Variants in MEGF10 observed in about 807,000 individuals in gnomAD.
MEGF10 encodes the protein multiple epidermal growth factor-like domains protein 10.
Under a neutral mutation model 147.5 loss-of-function variants are expected in MEGF10, and 86 were observed. The ratio of observed to expected loss-of-function variants is 0.58; its 90% CI spans 0.49 to 0.70. The LOEUF (loss-of-function observed/expected upper bound fraction) is 0.70, where lower values mean the gene tolerates loss of function less well. Among genes scored for constraint, MEGF10 ranks in the 30% least tolerant of loss-of-function variants. MEGF10 has a pLI of 0.00. For synonymous variants in MEGF10, 478 were observed against 525.5 expected (o/e 0.91, Z 1.24); for missense variants, 1,329 against 1,487.3 (o/e 0.89, Z 1.75).
the MEGF10 span, among the ~76,000 whole-genome samples, chr5:127,242,099 T>C: frequency 6.6e-6 from 1 of 152,176 alleles, no homozygotes; most frequent in Non-Finnish European, 1.5e-5. Flanking sequence ...AGTGAATGAA[T>C]GTGAAGATAC....
At chr5:127,344,259 A>G (rs545535507) in intron 4 of MEGF10, among the ~76,000 whole-genome samples, 2 of 152,280 alleles carry the variant, frequency 1.3e-5, no homozygotes, top group African/African-American at 2.4e-5. Flanking sequence ...TATCTTTTTT[A>G]ATGCATTTCA....
intron 17 of MEGF10, among the ~76,000 whole-genome samples, chr5:127,439,297 G>C (rs1765670074): frequency 6.6e-6 from 1 of 152,154 alleles, no homozygotes; most frequent in South Asian, 2.1e-4. Context: ...CTTACCTTCG[G>C]TTGAATAAAG....
At chr5:127,405,516 A>G (rs571597435) in intron 8 of MEGF10, among the ~76,000 whole-genome samples, 5 of 152,212 alleles carry the variant, frequency 3.3e-5, no homozygotes, top group African/African-American at 1.2e-4. Context: ...TTTTTAGCAA[A>G]CTCTGGAGTT....
intron 24 of MEGF10, among the ~76,000 whole-genome samples, chr5:127,455,963 G>A (rs1230586779): frequency 2.6e-5 from 4 of 152,000 alleles, no homozygotes; most frequent in Non-Finnish European, 5.9e-5. Flanking sequence ...TAATAGATGC[G>A]ACCTGTGTTT....
intron 1 of MEGF10, among the ~76,000 whole-genome samples, chr5:127,313,645 C>A (rs773096303): frequency 2.2e-4 from 34 of 152,136 alleles, no homozygotes; most frequent in Admixed American, 7.9e-4. Flanking sequence ...TTTAGACAAC[C>A]TTTTCCTCCA....
At chr5:127,297,750 G>A (rs75811918) in intron 1 of MEGF10, among the ~76,000 whole-genome samples, 2,747 of 152,240 alleles carry the variant, frequency 0.018, 71 homozygotes, top group East Asian at 0.11. Context: ...CTGCGTTAAA[G>A]GAACCCTTCA....
At chr5:127,424,702 C>T (rs1037055024) in intron 13 of MEGF10, 10 of 330,360 alleles carry the variant, frequency 3.0e-5, no homozygotes, top group Admixed American at 1.8e-4. Flanking sequence ...CCCACAGACA[C>T]GAGGCCTCCC....
chr5:127,240,903 A>G, the MEGF10 span, among the ~76,000 whole-genome samples: 1 of 152,268 alleles, frequency 6.6e-6, no homozygotes, highest in African/African-American at 2.4e-5. Flanking sequence ...ATAAAATGGA[A>G]TAATTTATCT....
chr5:127,378,857 G>GTT (rs74573642), intron 5 of MEGF10, among the ~76,000 whole-genome samples: 3 of 143,582 alleles, frequency 2.1e-5, no homozygotes, highest in South Asian at 2.2e-4. Context: ...TTTGTTTTTG[G>GTT]TTTTTTTTTT....
Position 127,457,278 on chromosome 5 carries a change from G to A in MEGF10, c.3383G>A (p.Ser1128Asn). 6.2e-7 allele frequency: 1 copy of A among 1,614,072 alleles called. No homozygotes were observed. Among genetic ancestry groups the A allele is most frequent in the African/African-American group, 1.3e-5 (1 of 75,056 alleles). Residue 1128 changes from serine (S) to asparagine (N), a missense_variant, in exon 25 of 25, where the codon AGT (serine) becomes AAT (asparagine). By Grantham distance (46) the Ser-to-Asn change is conservative. Around this residue, in one of 3 missense-constraint regions of MEGF10, gnomAD observed 343 missense variants for 377.9 expected, o/e 0.91. Coordinates refer to ENST00000503335, the MANE Select transcript of MEGF10 (RefSeq NM_001256545.2). ...DSSSSPKQED[S>N]GGSSSNSSSS... ...TCATCCTCCCCTAAGCAAGAGGACAGTGGTGGTAGCAGCAGCAACAGCAGC... is the reference window on the plus strand; with the variant it reads ...TCATCCTCCCCTAAGCAAGAGGACAATGGTGGTAGCAGCAGCAACAGCAGC...
chr5:127,247,392 G>A, the MEGF10 span, among the ~76,000 whole-genome samples: 2 of 36,226 alleles, frequency 5.5e-5, no homozygotes, highest in Non-Finnish European at 1.1e-4. Context: ...AGAAGAAGAA[G>A]AAGAAGAAGA....
In MEGF10 at chr5:127,402,397, G is replaced by A. The variant is rs909780044; in HGVS notation, c.781-149G>A. ...TCTAATATTTTAAAGATGATGAACA[G>A]TTTATGTGCTCTAAAATTCTCTAAT... On this transcript the variant is annotated intron_variant, in intron 7 of 24. Transcript: ENST00000503335. 1.2e-5 allele frequency: 9 copies of A among 780,490 alleles called. No individual in the cohort carries two copies. The African/African-American group carries it at 1.4e-4, about 12-fold the overall frequency. 48.3% of individuals were successfully genotyped at this position (780,490 alleles called of 1,614,324 possible).
rs941380552 is a variant in MEGF10 at position 127,448,957 on chromosome 5, GCA to G, written c.2857-141_2857-140del. On this transcript the variant is annotated intron_variant, in intron 21 of 24. Transcript: ENST00000503335. ...GCTTGCAAGTCCCACCAGGTTACAA[GCA>G]GTCACCTCGGCCCCTGAGCTCAGGT... 4 of 1,007,690 alleles carry G rather than the reference GCA, an allele frequency of 4.0e-6. No individual in the cohort carries two copies. In the African/African-American group the frequency reaches 6.5e-5, roughly 16 times the overall value. The allele number at this position is 1,007,690 out of a possible 1,614,324, so 62.4% of individuals were successfully genotyped here.
chr5:127,403,821 A>G (rs373970943), intron 8 of MEGF10, among the ~76,000 whole-genome samples: 3 of 152,228 alleles, frequency 2.0e-5, no homozygotes, highest in African/African-American at 7.2e-5. Flanking sequence ...TATGTACCAC[A>G]TTTTCTTTAT....
the MEGF10 span, among the ~76,000 whole-genome samples, chr5:127,255,210 A>T: frequency 6.6e-6 from 1 of 152,208 alleles, no homozygotes. Context: ...TCTGAAAATC[A>T]TCTCAAAAGA....
In MEGF10 at chr5:127,410,476, G is replaced by T; in HGVS notation, c.1005G>T (p.Val335=). 1 of 1,614,196 alleles carries T rather than the reference G, an allele frequency of 6.2e-7. No homozygotes were observed. Among genetic ancestry groups the T allele is most frequent in the Non-Finnish European group, 8.5e-7 (1 of 1,180,050 alleles). The change falls in exon 9 of 25, where the codon GTG becomes GTT. Residue 335 remains valine (V), a synonymous_variant. Transcript: ENST00000503335. ...QCVNGGKCYH[V]SGACLCEAGF... ...TCAACGGAGGGAAGTGTTACCACGT[G>T]AGCGGCGCATGCCTCTGTGAAGCAG...
Position 127,426,613 on chromosome 5 carries a change from G to A in MEGF10, c.1693+3841G>A, listed in dbSNP as rs145284458. Among the ~76,000 whole-genome samples the A allele has an allele frequency of 5.0e-3, 762 of 152,130 alleles. 9 individuals carry two copies. In the Middle Eastern group the frequency reaches 0.058, roughly 12 times the overall value. On this transcript the variant is annotated intron_variant, in intron 13 of 24. Transcript: ENST00000503335. ...CTCTCTCTGCTATAAAATGAGGCTC[G>A]CTTTTCAAAATGATTATACTGAAAT...
chr5:127,322,012 C>CT (rs1442872288), intron 1 of MEGF10, among the ~76,000 whole-genome samples: 1 of 149,442 alleles, frequency 6.7e-6, no homozygotes, highest in Non-Finnish European at 1.5e-5. Context: ...TTTTCCCCTG[C>CT]TTGTATCATC....
the MEGF10 span, among the ~76,000 whole-genome samples, chr5:127,267,400 C>G: frequency 6.6e-6 from 1 of 152,172 alleles, no homozygotes; most frequent in Non-Finnish European, 1.5e-5. Flanking sequence ...TATTGTGTCT[C>G]TGTCAGGCTT....
Sources: allele counts gnomAD v4.1 joint callset (sites outside exome capture counted in the v4.1 genomes callset), GRCh38; gene constraint gnomAD v4.1.1; regional missense constraint gnomAD v4.1.1; transcripts MANE v1.5; gene names NCBI Gene and HGNC (gene_info 2026-07-23, HGNC 2026-07-21).